Variants in CFAP70 observed in about 807,000 individuals in gnomAD.
CFAP70 encodes cilia and flagella associated protein 70, also known as cilia- and flagella-associated protein 70.
Under a neutral mutation model 137.6 loss-of-function variants are expected in CFAP70, and 81 were observed. The observed-to-expected ratio is 0.59, with a 90% CI of 0.49 to 0.71. The LOEUF (loss-of-function observed/expected upper bound fraction) is 0.71, where lower values mean the gene tolerates loss of function less well. Among genes scored for constraint, CFAP70 ranks in the 30% least tolerant of loss-of-function variants. CFAP70 has a pLI of 0.00. For synonymous variants in CFAP70, 382 were observed against 423.6 expected, an observed-to-expected ratio of 0.90 and a Z score of 1.20; for missense variants, 976 against 1,226.7, an observed-to-expected ratio of 0.80 and a Z score of 3.05.
intron 14 of CFAP70, among the ~76,000 whole-genome samples, chr10:73,297,723 T>C (rs1037153308): frequency 9.8e-5 from 15 of 152,336 alleles, no homozygotes; most frequent in Admixed American, 9.8e-4. Flanking sequence ...AAACACAGCA[T>C]GTTGCTATAG....
intron 19 of CFAP70, among the ~76,000 whole-genome samples, chr10:73,283,570 A>G (rs2047423116): frequency 1.3e-5 from 2 of 152,182 alleles, no homozygotes; most frequent in Middle Eastern, 3.4e-3. Flanking sequence ...TAACCCTGTT[A>G]TTGTTCTTTA....
intron 3 of CFAP70, among the ~76,000 whole-genome samples, chr10:73,352,357 T>C (rs994112855): frequency 1.3e-5 from 2 of 152,322 alleles, no homozygotes; most frequent in African/African-American, 4.8e-5. Context: ...GGGGTTTTTT[T>C]CCTACGGTGT....
intron 9 of CFAP70, among the ~76,000 whole-genome samples, chr10:73,317,042 T>C (rs1276767341): frequency 6.6e-6 from 1 of 152,218 alleles, no homozygotes; most frequent in East Asian, 1.9e-4. Flanking sequence ...GTTTCTTTTA[T>C]TGAGAGAGAG....
At chr10:73,319,522 C>A (rs2183902) in intron 9 of CFAP70, among the ~76,000 whole-genome samples, 16,075 of 152,136 alleles carry the variant, frequency 0.11, 1,227 homozygotes, top group East Asian at 0.3. Flanking sequence ...GTGTAACTTG[C>A]ATATATTGAT....
intron 25 of CFAP70, among the ~76,000 whole-genome samples, chr10:73,261,578 A>T (rs1000173975): frequency 6.6e-6 from 1 of 152,194 alleles, no homozygotes; most frequent in Non-Finnish European, 1.5e-5. Context: ...AGTGCAGAAA[A>T]GAGCCACCCC....
intron 4 of CFAP70, 84 bp from the exon 5 acceptor site, chr10:73,348,319 C>T (rs1303094206): frequency 6.5e-7 from 1 of 1,530,784 alleles, no homozygotes; most frequent in Admixed American, 1.7e-5. Flanking sequence ...GCCTACTTTT[C>T]CCCTCAAATC....
chr10:73,285,666 ACT>A (rs2047636087), intron 19 of CFAP70, among the ~76,000 whole-genome samples: 1 of 139,774 alleles, frequency 7.2e-6, no homozygotes, highest in African/African-American at 2.7e-5. Flanking sequence ...ACGGAGTCTC[ACT>A]CTGTCGCTGA....
In CFAP70 at chr10:73,336,872, G is replaced by A. The variant is rs116562733; in HGVS notation, c.583-1348C>T. Among the ~76,000 whole-genome samples, 458 of 151,880 alleles carry A rather than the reference G, an allele frequency of 3.0e-3. 5 individuals are homozygous for A. The highest frequency in any genetic ancestry group is 0.01 in the African/African-American group (422 of 41,440). On this transcript the variant is annotated intron_variant, in intron 6 of 26. Coordinates refer to ENST00000310715, the Ensembl canonical transcript of CFAP70. The stretch of plus-strand genomic sequence containing the variant: ...ATTACAAGCATGAGCCACCGCGCCC[G>A]GCCGCGTTATACTATTTTCTATGCC...
intron 7 of CFAP70, among the ~76,000 whole-genome samples, chr10:73,332,747 A>G (rs529753097): frequency 3.0e-4 from 45 of 152,312 alleles, no homozygotes; most frequent in Middle Eastern, 3.4e-3. Flanking sequence ...TCTGGCACTT[A>G]CAACTATAGC....
At chr10:73,320,378 C>T (rs551608487) in intron 9 of CFAP70, among the ~76,000 whole-genome samples, 13 of 152,036 alleles carry the variant, frequency 8.6e-5, no homozygotes, top group African/African-American at 2.9e-4. Context: ...AGGCGGAGTA[C>T]AGTAGAACAA....
At chr10:73,261,985 C>CATATGTATATATGTATACATATGTAT (rs1564744530) in intron 25 of CFAP70, among the ~76,000 whole-genome samples, 10 of 131,888 alleles carry the variant, frequency 7.6e-5, no homozygotes, top group African/African-American at 1.0e-4. Context: ...TATATGTATA[C>CATATGTATATATGTATACATATGTAT]ATATGTATAT....
At chr10:73,291,945 C>G in exon 17 of CFAP70, 1 of 1,614,170 alleles carries the variant, frequency 6.2e-7, no homozygotes, top group Non-Finnish European at 8.5e-7. Context: ...TTGATGTTGT[C>G]TTCAGTTAGG....
intron 25 of CFAP70, among the ~76,000 whole-genome samples, chr10:73,257,722 T>C (rs2044661027): frequency 6.6e-6 from 1 of 152,184 alleles, no homozygotes; most frequent in Non-Finnish European, 1.5e-5. Flanking sequence ...CCTACCACTA[T>C]TACTTTGTTT....
chr10:73,346,404 G>A (rs548972671), intron 4 of CFAP70, among the ~76,000 whole-genome samples: 32 of 151,890 alleles, frequency 2.1e-4, no homozygotes, highest in African/African-American at 7.7e-4. Context: ...GGGAGGCCGG[G>A]GCAGGCATAT....
intron 25 of CFAP70, among the ~76,000 whole-genome samples, chr10:73,268,917 G>A (rs1024699927): frequency 6.6e-6 from 1 of 151,974 alleles, no homozygotes; most frequent in Non-Finnish European, 1.5e-5. Flanking sequence ...GAACTCCTGG[G>A]CTCAAGTGAT....
At chr10:73,299,123 G>A in intron 13 of CFAP70, 22 bp from the exon 15 acceptor site, 1 of 1,578,606 alleles carries the variant, frequency 6.3e-7, no homozygotes, top group Non-Finnish European at 8.7e-7. Context: ...CAAAACATCT[G>A]GTAGACGCCT....
At chr10:73,319,786 C>T (rs191292479) in intron 9 of CFAP70, among the ~76,000 whole-genome samples, 3 of 152,304 alleles carry the variant, frequency 2.0e-5, no homozygotes, top group Admixed American at 1.3e-4. Flanking sequence ...TGGGCATTAT[C>T]ATATTTTAAA....
At chr10:73,307,471 G>A (rs2049481092) in intron 12 of CFAP70, among the ~76,000 whole-genome samples, 1 of 152,130 alleles carries the variant, frequency 6.6e-6, no homozygotes, top group Non-Finnish European at 1.5e-5. Flanking sequence ...CTGTCTACAA[G>A]ATACTCCCTT....
At chr10:73,260,900 G>T (rs1564742820) in intron 25 of CFAP70, among the ~76,000 whole-genome samples, 1 of 152,152 alleles carries the variant, frequency 6.6e-6, no homozygotes, top group Non-Finnish European at 1.5e-5. Flanking sequence ...ATTATTAAAT[G>T]CTGTGATAAA....
Sources: allele counts gnomAD v4.1 joint callset (sites outside exome capture counted in the v4.1 genomes callset), GRCh38; gene constraint gnomAD v4.1.1; transcripts MANE v1.5; gene names NCBI Gene and HGNC (gene_info 2026-07-23, HGNC 2026-07-21).